MOB3B: variants seen among roughly 807,000 people sequenced by gnomAD.
The protein encoded by MOB3B is MOB kinase activator-like 2B.
Under a neutral mutation model 18.7 loss-of-function variants are expected in MOB3B, and 7 were observed. That is an observed-to-expected ratio of 0.37 (90% CI 0.21 to 0.70). The LOEUF (loss-of-function observed/expected upper bound fraction) is 0.70. MOB3B is among the 30% of genes least tolerant of loss of function. The pLI is 0.52. For synonymous variants in MOB3B, 111 were observed against 99.9 expected, an observed-to-expected ratio of 1.11 and a Z score of -0.66; for missense variants, 253 against 281.3, an observed-to-expected ratio of 0.90 and a Z score of 0.72.
At chr9:27,425,923 G>A (rs957011647) in intron 2 of MOB3B, among the ~76,000 whole-genome samples, 8 of 152,198 alleles carry the variant, frequency 5.3e-5, no homozygotes, top group Non-Finnish European at 1.2e-4. Flanking sequence ...AAGGAAGGAA[G>A]AGTGACGGCA....
intron 2 of MOB3B, among the ~76,000 whole-genome samples, chr9:27,362,220 G>C (rs1310250226): frequency 1.3e-5 from 2 of 152,020 alleles, no homozygotes. Context: ...TAGAGTAGTT[G>C]GTTTTGCAAT....
In MOB3B at chr9:27,357,888, C is replaced by CAAAAAAAAAAAAAAAAAAAAAAAAAAAAA. The variant is rs58851638; in HGVS notation, c.621+1117_621+1145dup. On this transcript the variant is annotated intron_variant, in intron 3 of 3. Transcript: ENST00000262244. ...TCAACATAATGAGATCCCATCGCTA[C>CAAAAAAAAAAAAAAAAAAAAAAAAAAAAA]AAAAAAAAAAAAAAAAAAAAAAAAA... 4.3e-4 allele frequency among the ~76,000 whole-genome samples: 25 copies of CAAAAAAAAAAAAAAAAAAAAAAAAAAAAA among 57,944 alleles called. 2 individuals are homozygous for CAAAAAAAAAAAAAAAAAAAAAAAAAAAAA. Among genetic ancestry groups the CAAAAAAAAAAAAAAAAAAAAAAAAAAAAA allele is most frequent in the Non-Finnish European group, 5.4e-4 (17 of 31,478 alleles). 38.0% of individuals were successfully genotyped at this position (57,944 alleles called of 152,430 possible).
At chr9:27,333,335 G>T (rs1305773290) in intron 3 of MOB3B, among the ~76,000 whole-genome samples, 1 of 150,014 alleles carries the variant, frequency 6.7e-6, no homozygotes, top group Non-Finnish European at 1.5e-5. Context: ...CTTGCCCACT[G>T]GGTGGAGCCA....
chr9:27,457,318 A>T (rs770467531), intron 1 of MOB3B, among the ~76,000 whole-genome samples: 1 of 152,236 alleles, frequency 6.6e-6, no homozygotes, highest in Admixed American at 6.5e-5. Context: ...ATCCACTCAT[A>T]GGTCAAGCCC....
chr9:27,490,377 A>G (rs976252323), intron 1 of MOB3B, among the ~76,000 whole-genome samples: 2 of 152,222 alleles, frequency 1.3e-5, no homozygotes, highest in Admixed American at 1.3e-4. Context: ...TAAAATATTA[A>G]AAGTATTATT....
At chr9:27,442,252 G>A (rs1822605759) in intron 2 of MOB3B, among the ~76,000 whole-genome samples, 1 of 152,138 alleles carries the variant, frequency 6.6e-6, no homozygotes, top group South Asian at 2.1e-4. Context: ...TTAAGAATAT[G>A]AAGGGGTTCT....
intron 2 of MOB3B, among the ~76,000 whole-genome samples, chr9:27,422,145 T>G (rs1234624314): frequency 6.6e-6 from 1 of 152,214 alleles, no homozygotes; most frequent in Non-Finnish European, 1.5e-5. Flanking sequence ...GGCAATAAGT[T>G]ACAAATGGAA....
chr9:27,381,628 T>C (rs550700056), intron 2 of MOB3B, among the ~76,000 whole-genome samples: 2 of 152,186 alleles, frequency 1.3e-5, no homozygotes, highest in Non-Finnish European at 2.9e-5. Flanking sequence ...AAAGATGTTT[T>C]CCTTACAGGT....
chr9:27,506,408 G>A (rs1185724601), intron 1 of MOB3B, among the ~76,000 whole-genome samples: 2 of 152,138 alleles, frequency 1.3e-5, no homozygotes, highest in Admixed American at 1.3e-4. Context: ...TCTTGCCTGT[G>A]TCTGAAATGT....
intron 3 of MOB3B, among the ~76,000 whole-genome samples, chr9:27,357,015 T>C (rs1821198965): frequency 6.7e-6 from 1 of 149,638 alleles, no homozygotes; most frequent in Non-Finnish European, 1.5e-5. Context: ...AGAAATCTCT[T>C]GTGAAAGAAA....
chr9:27,401,913 G>A (rs541585289), intron 2 of MOB3B, among the ~76,000 whole-genome samples: 1 of 152,300 alleles, frequency 6.6e-6, no homozygotes, highest in East Asian at 1.9e-4. Flanking sequence ...TGGGTATTAT[G>A]CTCTACTAGT....
intron 2 of MOB3B, among the ~76,000 whole-genome samples, chr9:27,364,896 A>T (rs1563850817): frequency 6.6e-6 from 1 of 152,176 alleles, no homozygotes; most frequent in African/African-American, 2.4e-5. Context: ...TCAATTCTGG[A>T]CTTGCAAAAA....
rs73431184 is a variant in MOB3B at position 27,344,467 on chromosome 9, T to C, written c.622-13851A>G. Among the ~76,000 whole-genome samples, 566 of 152,314 alleles carry C rather than the reference T, an allele frequency of 3.7e-3. 1 individual carries two copies. The highest frequency in any genetic ancestry group is 0.013 in the African/African-American group (528 of 41,562). Reference sequence around the variant, plus strand: ...AGAGTAACTATGTCTGAGAACCTATTATAACTCCGACATCTTACACCAGTG... The same window carrying C: ...AGAGTAACTATGTCTGAGAACCTATCATAACTCCGACATCTTACACCAGTG... On this transcript the variant is annotated intron_variant, in intron 3 of 3. Coordinates refer to ENST00000262244, the MANE Select transcript of MOB3B (RefSeq NM_024761.5).
At chr9:27,465,202 G>A (rs1819360846) in intron 1 of MOB3B, among the ~76,000 whole-genome samples, 1 of 152,214 alleles carries the variant, frequency 6.6e-6, no homozygotes, top group South Asian at 2.1e-4. Context: ...TGTGCGTACA[G>A]GTATTGGGTA....
rs1819573355 is a variant in MOB3B at position 27,477,552 on chromosome 9, C to T, written c.-198-21804G>A. ...GTTATTTATTGTTGTGCCCCAGCAC[C>T]TATGACAAAGTCAGGAACATGATAG... On this transcript the variant is annotated intron_variant, in intron 1 of 3. Transcript: ENST00000262244. Among the ~76,000 whole-genome samples the T allele has an allele frequency of 3.3e-5, 5 of 152,196 alleles. No homozygotes were observed. The South Asian group carries it at 8.3e-4, about 25-fold the overall frequency.
chr9:27,455,415 C>T lies in MOB3B; in HGVS notation c.136G>A (p.Ala46Thr). 6.2e-7 allele frequency: 1 copy of T among 1,614,216 alleles called. No homozygotes were observed. The highest frequency in any genetic ancestry group is 8.5e-7 in the Non-Finnish European group (1 of 1,180,044). ...TCCCCACTGGGCAACTGCACAGCCG[C>T]CTTCAGGTCCACACCCGAGTTGAGG... ...ASLNSGVDLK[A>T]AVQLPSGEDQ... Residue 46 changes from alanine (A) to threonine (T), a missense_variant, in exon 2 of 4, where the codon GCG becomes ACG. Ala to Thr is a moderately conservative substitution (Grantham distance 58). Coordinates refer to ENST00000262244, the MANE Select transcript of MOB3B (RefSeq NM_024761.5).
intron 2 of MOB3B, among the ~76,000 whole-genome samples, chr9:27,387,902 A>T (rs751249962): frequency 6.6e-6 from 1 of 152,160 alleles, no homozygotes; most frequent in African/African-American, 2.4e-5. Flanking sequence ...AACATGTCAG[A>T]GTCCTCTTAC....
chr9:27,354,011 C>G (rs1278220325), intron 3 of MOB3B, among the ~76,000 whole-genome samples: 1 of 152,244 alleles, frequency 6.6e-6, no homozygotes, highest in Non-Finnish European at 1.5e-5. Flanking sequence ...AATGGATGAT[C>G]TGTCACGTCT....
intron 2 of MOB3B, among the ~76,000 whole-genome samples, chr9:27,436,262 T>C (rs780569728): frequency 1.7e-4 from 26 of 152,236 alleles, no homozygotes; most frequent in Non-Finnish European, 2.8e-4. Context: ...TTTTCACACT[T>C]GTAATTATTT....
Sources: allele counts gnomAD v4.1 joint callset (sites outside exome capture counted in the v4.1 genomes callset), GRCh38; gene constraint gnomAD v4.1.1; transcripts MANE v1.5; gene names NCBI Gene and HGNC (gene_info 2026-07-23, HGNC 2026-07-21).